MALRD1: variants seen among roughly 807,000 people sequenced by gnomAD.
MALRD1 encodes MAM and LDL-receptor class A domain-containing protein 1.
A neutral mutation model predicts 242.1 loss-of-function variants in MALRD1; 247 were observed. That is an observed-to-expected ratio of 1.02 (90% CI 0.92 to 1.13). MALRD1 has a LOEUF of 1.13. MALRD1 is among the 50% of genes most tolerant of loss of function. The pLI is 0.00. For synonymous variants in MALRD1, 995 were observed against 866.6 expected, an observed-to-expected ratio of 1.15 and a Z score of -2.60; for missense variants, 2,989 against 2,533.1, an observed-to-expected ratio of 1.18 and a Z score of -3.86.
At chr10:19,692,637 T>C in intron 38 of MALRD1, 83 bp downstream of exon 38, 1 of 1,088,148 alleles carries the variant, frequency 9.2e-7, no homozygotes, top group East Asian at 2.6e-5. Context: ...TTTTTTTCTT[T>C]CACTCCATAT....
chr10:19,279,786 C>T (rs1438349542), intron 19 of MALRD1, among the ~76,000 whole-genome samples: 1 of 152,154 alleles, frequency 6.6e-6, no homozygotes, highest in South Asian at 2.1e-4. Flanking sequence ...CTTGGGCCTC[C>T]CATTGATTTG....
At chr10:19,594,559 A>C (rs985215717) in intron 33 of MALRD1, among the ~76,000 whole-genome samples, 27 of 152,236 alleles carry the variant, frequency 1.8e-4, no homozygotes, top group African/African-American at 6.0e-4. Flanking sequence ...CACAATTCAC[A>C]GTTGCAAAGA....
rs575958715 is a variant in MALRD1, at chr10:19,599,888, A to G, written c.5944+4431A>G. Among the ~76,000 whole-genome samples the G allele has an allele frequency of 3.3e-5, 5 of 152,260 alleles. No homozygotes were observed. The South Asian group carries it at 8.3e-4, about 25-fold the overall frequency. On this transcript the variant is annotated intron_variant, in intron 34 of 39. Transcript: ENST00000454679. ...TATTAATCTGCTGGTGGTGATACCCATTGACCAAATCCAATCGTACACCAG... is the reference window on the plus strand; with the variant it reads ...TATTAATCTGCTGGTGGTGATACCCGTTGACCAAATCCAATCGTACACCAG...
intron 18 of MALRD1, among the ~76,000 whole-genome samples, chr10:19,210,186 T>C (rs1408743391): frequency 6.6e-6 from 1 of 152,248 alleles, no homozygotes; most frequent in Non-Finnish European, 1.5e-5. Context: ...AGATTTCACC[T>C]GCTGTTTTCT....
chr10:19,514,694 T>C (rs1833552256), intron 31 of MALRD1, among the ~76,000 whole-genome samples: 1 of 152,254 alleles, frequency 6.6e-6, no homozygotes, highest in East Asian at 1.9e-4. Context: ...TAAACAGAAC[T>C]CACTTTTCTT....
intron 4 of MALRD1, among the ~76,000 whole-genome samples, chr10:19,100,532 A>G (rs980463831): frequency 9.9e-5 from 15 of 152,224 alleles, no homozygotes; most frequent in African/African-American, 3.4e-4. Flanking sequence ...TGAGAATGGA[A>G]GAGAAAGGAA....
At chr10:19,714,969 TA>T (rs1834316148) in intron 38 of MALRD1, among the ~76,000 whole-genome samples, 1 of 152,216 alleles carries the variant, frequency 6.6e-6, no homozygotes, top group South Asian at 2.1e-4. Context: ...AAATGTTAGT[TA>T]ATCTCATCAC....
At chr10:19,730,533 C>T in intron 38 of MALRD1, 173 bp from the exon 39 acceptor site, 1 of 730,204 alleles carries the variant, frequency 1.4e-6, no homozygotes, top group Non-Finnish European at 2.4e-6. Flanking sequence ...CCTTGGTGTC[C>T]TGCAAAAAAT....
chr10:19,719,843 T>TAA (rs200731928), intron 38 of MALRD1, among the ~76,000 whole-genome samples: 1 of 147,162 alleles, frequency 6.8e-6, no homozygotes, highest in Admixed American at 6.8e-5. Context: ...ATTGTTTATT[T>TAA]AAAAAAAAAA....
chr10:19,260,821 C>T (rs1839712156), intron 19 of MALRD1, among the ~76,000 whole-genome samples: 1 of 152,106 alleles, frequency 6.6e-6, no homozygotes, highest in South Asian at 2.1e-4. Flanking sequence ...TGGCAGAACA[C>T]AGTCACTTCT....
chr10:19,544,226 G>T (rs1184781250), intron 32 of MALRD1, among the ~76,000 whole-genome samples: 2 of 151,444 alleles, frequency 1.3e-5, no homozygotes, highest in African/African-American at 4.9e-5. Context: ...TCTCGCTCTT[G>T]TCACCCAGGC....
intron 5 of MALRD1, among the ~76,000 whole-genome samples, chr10:19,105,751 G>T (rs1365843954): frequency 2.6e-5 from 4 of 151,774 alleles, no homozygotes; most frequent in Admixed American, 6.6e-5. Context: ...ATCACATTGT[G>T]GTTTTAATTT....
intron 28 of MALRD1, among the ~76,000 whole-genome samples, chr10:19,394,293 A>G (rs1027046411): frequency 2.0e-5 from 3 of 152,180 alleles, no homozygotes; most frequent in African/African-American, 7.2e-5. Flanking sequence ...TAAGAGTAAG[A>G]GGTTATATTT....
At chr10:19,268,496 A>C (rs1216094865) in intron 19 of MALRD1, among the ~76,000 whole-genome samples, 1 of 152,166 alleles carries the variant, frequency 6.6e-6, no homozygotes. Context: ...TAAACATTTT[A>C]AATATTCTAA....
intron 1 of MALRD1, among the ~76,000 whole-genome samples, chr10:19,065,300 A>AAAAT (rs1345757665): frequency 6.6e-6 from 1 of 150,484 alleles, no homozygotes; most frequent in African/African-American, 2.4e-5. Context: ...AAAAAAAAAA[A>AAAAT]AAAAAAAAAG....
At chr10:19,693,918 A>G (rs1191817742) in intron 38 of MALRD1, among the ~76,000 whole-genome samples, 3 of 152,110 alleles carry the variant, frequency 2.0e-5, no homozygotes, top group Non-Finnish European at 4.4e-5. Flanking sequence ...CAGAAATAAT[A>G]CCACACATCT....
At chr10:19,187,063 C>T (rs966612132) in intron 14 of MALRD1, among the ~76,000 whole-genome samples, 6 of 152,126 alleles carry the variant, frequency 3.9e-5, no homozygotes, top group Non-Finnish European at 8.8e-5. Context: ...TAAAAGACCA[C>T]ATAATAATTT....
intron 21 of MALRD1, among the ~76,000 whole-genome samples, chr10:19,322,799 A>G (rs1203887852): frequency 6.6e-6 from 1 of 152,206 alleles, no homozygotes; most frequent in Non-Finnish European, 1.5e-5. Flanking sequence ...AAAAAATTTC[A>G]AAATAAAATA....
chr10:19,307,893 A>T (rs1476493938), intron 21 of MALRD1, among the ~76,000 whole-genome samples: 1 of 151,434 alleles, frequency 6.6e-6, no homozygotes, highest in Non-Finnish European at 1.5e-5. Context: ...TATCTTTTTT[A>T]AAAATTTTGT....
Sources: gnomAD v4.1 joint callset for allele counts (sites outside exome capture counted in the v4.1 genomes callset) on GRCh38, gnomAD v4.1.1 for gene constraint, MANE v1.5 for transcripts, NCBI Gene and HGNC (gene_info 2026-07-23, HGNC 2026-07-21) for gene names.